The following KIAA0825 variants were observed in gnomAD, a reference collection of about 807,000 sequenced individuals.
KIAA0825 encodes the protein KIAA0825.
A neutral mutation model predicts 147.6 loss-of-function variants in KIAA0825; 119 were observed. That is an observed-to-expected ratio of 0.81 (90% CI 0.69 to 0.94). KIAA0825 has a LOEUF of 0.94. Among genes scored for constraint, KIAA0825 ranks in the 40% least tolerant of loss-of-function variants. KIAA0825 has a pLI of 0.00. For synonymous variants in KIAA0825, 470 were observed against 518.1 expected (o/e 0.91, Z 1.26); for missense variants, 1,381 against 1,472.7 (o/e 0.94, Z 1.02).
Position 94,508,074 on chromosome 5 carries a change from T to C in KIAA0825, c.970+12174A>G, listed in dbSNP as rs375452166. 3.2e-4 allele frequency among the ~76,000 whole-genome samples: 48 copies of C among 152,304 alleles called. 1 individual carries two copies. In the South Asian group the frequency reaches 9.9e-3, roughly 32 times the overall value. ...CTTTTCCATTTACTAATGATATCCT[T>C]AGTTTTATAGGCACCAGTCACAGAT... On this transcript the variant is annotated intron_variant, in intron 5 of 20. Transcript: ENST00000682413.
intron 20 of KIAA0825, among the ~76,000 whole-genome samples, chr5:94,289,362 C>T (rs532139861): frequency 6.6e-6 from 1 of 151,842 alleles, no homozygotes; most frequent in East Asian, 2.0e-4. Context: ...ATGGCAAAAC[C>T]CTGTCTCTAT....
intron 20 of KIAA0825, among the ~76,000 whole-genome samples, chr5:94,301,246 C>T (rs997043795): frequency 1.3e-5 from 2 of 152,070 alleles, no homozygotes; most frequent in East Asian, 3.9e-4. Flanking sequence ...ACTGTTCATA[C>T]TTAATTTTAT....
At position 94,153,109 on chromosome 5, in the gene KIAA0825, T is replaced by C. The variant is rs762875036; in HGVS notation, c.*898A>G. ...GTCTTTATAATCTAATATCAGGCAG[T>C]GATAGGAAGGAAATAATAAATATCT... On this transcript the variant is annotated 3_prime_UTR_variant, in exon 21 of 21. Coordinates refer to ENST00000682413, the MANE Select transcript of KIAA0825 (RefSeq NM_001145678.3). 6 of 150,630 alleles carry C rather than the reference T, an allele frequency of 4.0e-5. No individual in the cohort carries two copies. The highest frequency in any genetic ancestry group is 2.0e-4 in the East Asian group (1 of 5,106). The allele number at this position is 150,630 out of a possible 1,614,324, so 9.3% of individuals were successfully genotyped here. A position where few individuals can be genotyped will look rare whatever the true frequency, so the allele number is the denominator to read the frequency against.
At chr5:94,535,448 T>G (rs1277754275) in intron 3 of KIAA0825, among the ~76,000 whole-genome samples, 1 of 135,494 alleles carries the variant, frequency 7.4e-6, no homozygotes, top group African/African-American at 2.8e-5. Context: ...AGGCGGAGGT[T>G]GCAGTGAGCC....
chr5:94,263,805 C>A (rs1285002425), intron 20 of KIAA0825, among the ~76,000 whole-genome samples: 3 of 152,130 alleles, frequency 2.0e-5, no homozygotes, highest in African/African-American at 7.2e-5. Flanking sequence ...ACTTTTGTAA[C>A]TACTGTTTTC....
intron 1 of KIAA0825, among the ~76,000 whole-genome samples, chr5:94,608,499 A>AT (rs372331036): frequency 4.9e-5 from 2 of 41,036 alleles, no homozygotes; most frequent in South Asian, 7.4e-4. Context: ...ATAATTATAT[A>AT]TATATATATT....
intron 1 of KIAA0825, among the ~76,000 whole-genome samples, chr5:94,608,314 T>C (rs2152432057): frequency 7.4e-6 from 1 of 135,994 alleles, no homozygotes; most frequent in African/African-American, 2.8e-5. Flanking sequence ...TAGGAGGGAG[T>C]GCAGTGCTGC....
chr5:94,380,133 G>A (rs1162410152), intron 20 of KIAA0825, among the ~76,000 whole-genome samples: 3 of 152,070 alleles, frequency 2.0e-5, no homozygotes, highest in Admixed American at 6.6e-5. Context: ...GGTTACAGGC[G>A]TGAGCCACCG....
At chr5:94,343,672 G>C (rs747000012) in intron 20 of KIAA0825, among the ~76,000 whole-genome samples, 3 of 152,170 alleles carry the variant, frequency 2.0e-5, no homozygotes, top group African/African-American at 7.2e-5. Flanking sequence ...CTGGGCAACA[G>C]AGCAAGACTG....
chr5:94,606,778 T>C lies in KIAA0825; in HGVS notation c.-153+11722A>G, dbSNP rs548184275. On this transcript the variant is annotated intron_variant, in intron 1 of 20. Transcript: ENST00000682413. ...AGAAAAACAAACAAACATATTAAAG[T>C]GGGGGCTCGTGGTTCTGCAGGCTGT... 2.2e-4 allele frequency among the ~76,000 whole-genome samples: 34 copies of C among 152,170 alleles called. No individual in the cohort carries two copies. In the South Asian group the frequency reaches 6.2e-3, roughly 28 times the overall value.
In KIAA0825 at chr5:94,520,860, C is replaced by T; in HGVS notation, c.358G>A (p.Asp120Asn). Residue 120 changes from aspartate to asparagine, a missense_variant, in exon 5 of 21, where the codon GAC becomes AAC. Transcript: ENST00000682413. The part of the protein sequence containing the change: ...QEEMTLDLLW[D>N]LSCHSSVSFP... ...GAAACGCTGCTGTGGCAGGAGAGGT[C>T]CCAAAGTAAATCCAATGTCATTTCT... 6.2e-7 allele frequency: 1 copy of T among 1,611,500 alleles called. No homozygotes were observed. The highest frequency in any genetic ancestry group is 1.1e-5 in the South Asian group (1 of 90,884).
chr5:94,253,622 A>C (rs1776092558), intron 20 of KIAA0825, among the ~76,000 whole-genome samples: 1 of 152,068 alleles, frequency 6.6e-6, no homozygotes, highest in African/African-American at 2.4e-5. Flanking sequence ...TTTACATGCT[A>C]CTTTGTTAGC....
intron 20 of KIAA0825, among the ~76,000 whole-genome samples, chr5:94,237,041 A>ATGTGTGTG (rs1178913210): frequency 2.2e-5 from 3 of 134,156 alleles, no homozygotes; most frequent in African/African-American, 8.7e-5. Flanking sequence ...TAAATAGGCT[A>ATGTGTGTG]TATGTGTGTG....
At chr5:94,495,853 T>C (rs959652806) in intron 5 of KIAA0825, among the ~76,000 whole-genome samples, 1 of 152,156 alleles carries the variant, frequency 6.6e-6, no homozygotes, top group Non-Finnish European at 1.5e-5. Context: ...AAAAACACAA[T>C]AGAAAATACA....
intron 20 of KIAA0825, among the ~76,000 whole-genome samples, chr5:94,169,810 A>G (rs1768432294): frequency 6.6e-6 from 1 of 152,122 alleles, no homozygotes; most frequent in South Asian, 2.1e-4. Flanking sequence ...AGCAACTGCA[A>G]TTTCTTTGAG....
intron 2 of KIAA0825, among the ~76,000 whole-genome samples, chr5:94,561,892 C>T (rs1448501264): frequency 6.6e-6 from 1 of 151,978 alleles, no homozygotes; most frequent in Non-Finnish European, 1.5e-5. Context: ...GTAGATAATA[C>T]TATTTAAAGG....
intron 2 of KIAA0825, among the ~76,000 whole-genome samples, chr5:94,539,796 T>C (rs905662108): frequency 6.6e-6 from 1 of 151,904 alleles, no homozygotes; most frequent in African/African-American, 2.4e-5. Flanking sequence ...CTTATAAGAT[T>C]TAGGGGTTAG....
intron 2 of KIAA0825, among the ~76,000 whole-genome samples, chr5:94,572,705 C>T (rs879362544): frequency 1.3e-5 from 2 of 151,958 alleles, no homozygotes; most frequent in African/African-American, 2.4e-5. Context: ...TTTGAAAAAA[C>T]AAACTATCCC....
At chr5:94,187,584 G>A (rs964294113) in intron 20 of KIAA0825, among the ~76,000 whole-genome samples, 4 of 151,612 alleles carry the variant, frequency 2.6e-5, no homozygotes, top group Non-Finnish European at 4.4e-5. Flanking sequence ...CCGCCACCAC[G>A]TCTGGCTAAT....
Sources: allele counts gnomAD v4.1 joint callset (sites outside exome capture counted in the v4.1 genomes callset), GRCh38; gene constraint gnomAD v4.1.1; transcripts MANE v1.5; gene names NCBI Gene and HGNC (gene_info 2026-07-23, HGNC 2026-07-21).